Variants in CDC45 observed in about 807,000 individuals in gnomAD.
CDC45 encodes cell division control protein 45 homolog.
Under a neutral mutation model 77.8 loss-of-function variants are expected in CDC45, and 54 were observed. The observed-to-expected ratio is 0.69, with a 90% CI of 0.56 to 0.87. CDC45 has a LOEUF of 0.87. Ranked by LOEUF, CDC45 falls within the 40% of genes least tolerant of loss-of-function variation. The pLI is 0.00. For missense variants in CDC45, 649 were observed against 721.6 expected (o/e 0.90, Z 1.15); for synonymous variants, 260 against 272.1 (o/e 0.96, Z 0.44).
intron 12 of CDC45, among the ~76,000 whole-genome samples, chr22:19,508,149 C>T (rs1004442398): frequency 1.3e-5 from 2 of 152,036 alleles, no homozygotes; most frequent in African/African-American, 4.8e-5. Context: ...CCTGTGAGGT[C>T]GACCCCAGTC....
At chr22:19,498,736 G>A (rs5748242) in intron 8 of CDC45, among the ~76,000 whole-genome samples, 6,038 of 152,308 alleles carry the variant, frequency 0.04, 215 homozygotes, top group South Asian at 0.13. Flanking sequence ...CCATGATACT[G>A]TATCAACTCC....
At chr22:19,517,374 CTG>C (rs1204613165) in intron 17 of CDC45, among the ~76,000 whole-genome samples, 3 of 152,218 alleles carry the variant, frequency 2.0e-5, no homozygotes, top group African/African-American at 7.2e-5. Flanking sequence ...CCGGCCCCAC[CTG>C]TGTGTCAGAT....
chr22:19,507,245 C>T (rs1933243091), intron 10 of CDC45, 141 bp from the exon 11 acceptor site: 5 of 971,048 alleles, frequency 5.1e-6, no homozygotes, highest in Non-Finnish European at 7.7e-6. Context: ...CAAAGGGCTC[C>T]AGGTCACTCT....
At chr22:19,501,084 A>G (rs1025275008) in intron 9 of CDC45, among the ~76,000 whole-genome samples, 2 of 152,150 alleles carry the variant, frequency 1.3e-5, no homozygotes, top group African/African-American at 2.4e-5. Context: ...GGAGGGTGAG[A>G]CAGAGGAATC....
At chr22:19,517,920 A>C (rs1013936428) in intron 17 of CDC45, among the ~76,000 whole-genome samples, 1 of 152,210 alleles carries the variant, frequency 6.6e-6, no homozygotes. Flanking sequence ...CCTCTGAGAA[A>C]GGATATTTTC....
chr22:19,497,430 C>T lies in CDC45; in HGVS notation c.636C>T (p.Asp212=). 8 of 1,614,086 alleles carry T rather than the reference C, an allele frequency of 5.0e-6. No individual in the cohort carries two copies. The highest frequency in any genetic ancestry group is 6.8e-6 in the Non-Finnish European group (8 of 1,179,962). ...AGCTGGCTTGGATGCTGTCCAAGGA[C>T]CTGAATGACATGCTGTGGTACGTAG... ...MFELAWMLSK[D]LNDMLWWAIV... is the part of the protein sequence containing the mutation. The change falls in exon 8 of 19, where the codon GAC becomes GAT. Residue 212 remains aspartate, a synonymous_variant. Coordinates refer to ENST00000263201, the MANE Select transcript of CDC45 (RefSeq NM_003504.5).
chr22:19,488,075 G>A (rs1228735660), intron 5 of CDC45, among the ~76,000 whole-genome samples: 2 of 152,232 alleles, frequency 1.3e-5, no homozygotes, highest in African/African-American at 4.8e-5. Flanking sequence ...ATCTACAGGT[G>A]CTATAATATC....
intron 8 of CDC45, among the ~76,000 whole-genome samples, chr22:19,497,688 C>T (rs1189244404): frequency 6.6e-6 from 1 of 152,176 alleles, no homozygotes; most frequent in Non-Finnish European, 1.5e-5. Context: ...TACAGTACAG[C>T]TTCACCTTCC....
intron 3 of CDC45, among the ~76,000 whole-genome samples, chr22:19,481,674 T>C (rs1423117395): frequency 6.6e-6 from 1 of 151,766 alleles, no homozygotes; most frequent in Non-Finnish European, 1.5e-5. Context: ...CGCCCAGCCT[T>C]TATTTATTTA....
At chr22:19,516,460 C>G in intron 15 of CDC45, 67 bp from the exon 16 acceptor site, 1 of 1,318,356 alleles carries the variant, frequency 7.6e-7, no homozygotes, top group Non-Finnish European at 1.1e-6. Flanking sequence ...CGCTGTTGGG[C>G]TCTGGGCTCT....
intron 8 of CDC45, among the ~76,000 whole-genome samples, chr22:19,498,825 A>G (rs775266799): frequency 3.0e-4 from 46 of 152,156 alleles, no homozygotes; most frequent in Non-Finnish European, 6.0e-4. Flanking sequence ...GGCTCCTATT[A>G]TAGCTGCCAT....
At chr22:19,484,100 G>A (rs2090028297) in intron 5 of CDC45, 95 bp downstream of exon 5, 20 of 1,217,778 alleles carry the variant, frequency 1.6e-5, no homozygotes, top group Non-Finnish European at 2.2e-5. Context: ...TGTACTGAGG[G>A]CAGTGGGAAG....
At chr22:19,479,769 G>A (rs2089941947), upstream of CDC45, 1 of 656,986 alleles carries the variant, frequency 1.5e-6, no homozygotes, top group African/African-American at 1.8e-5. Flanking sequence ...GCGGGCTGGA[G>A]TTTTCTGGCC....
At chr22:19,501,679 G>A (rs1381086605) in intron 9 of CDC45, among the ~76,000 whole-genome samples, 1 of 152,154 alleles carries the variant, frequency 6.6e-6, no homozygotes, top group Non-Finnish European at 1.5e-5. Context: ...AAAACTGAGA[G>A]ACAAAACTAG....
At chr22:19,497,978 G>C (rs569214684) in intron 8 of CDC45, among the ~76,000 whole-genome samples, 1 of 151,658 alleles carries the variant, frequency 6.6e-6, no homozygotes, top group African/African-American at 2.4e-5. Flanking sequence ...GACCAGCCTG[G>C]CCAACATGGT....
In CDC45 at chr22:19,520,369, G is replaced by A. The variant is rs2146458991; in HGVS notation, c.*2-112G>A. ...GTCTGGGGTGGCCTCACCCCCACAA[G>A]CAGTCCTGGCTACTCAGCAGCACTA... On this transcript the variant is annotated intron_variant, in intron 18 of 18. Transcript: ENST00000263201. This position sits in a 1 kb window ranked among gnomAD's most constrained non-coding sequence, Gnocchi z 4.5. 6.6e-6 allele frequency: 1 copy of A among 152,444 alleles called. No individual in the cohort carries two copies. The highest frequency in any genetic ancestry group is 2.4e-5 in the African/African-American group (1 of 41,584). The allele number at this position is 152,444 out of a possible 1,614,324, so 9.4% of individuals were successfully genotyped here.
rs1258266377 is a variant in CDC45 at position 19,494,358 on chromosome 22, A to G, written c.518A>G (p.Gln173Arg). The part of the protein sequence containing the change: ...EIVEQTMRRR[Q>R]RREWEARRRD... ...GTGGAGCAAACCATGCGGAGGAGGC[A>G]GCGGCGAGAGTGGGAGGCCCGGAGG... The change falls in exon 6 of 19, where the codon CAG becomes CGG. Residue 173 changes from glutamine to arginine, a missense_variant. Gln to Arg is a conservative substitution (Grantham distance 43). Coordinates refer to ENST00000263201, the MANE Select transcript of CDC45 (RefSeq NM_003504.5). 6.2e-7 allele frequency: 1 copy of G among 1,613,300 alleles called. No individual in the cohort carries two copies.
intron 16 of CDC45, 61 bp from the exon 17 acceptor site, chr22:19,516,755 CG>C: frequency 4.3e-6 from 6 of 1,391,350 alleles, no homozygotes; most frequent in Non-Finnish European, 5.0e-6. Flanking sequence ...TGTCCTGGGG[CG>C]GGGGGTGGGA....
intron 10 of CDC45, among the ~76,000 whole-genome samples, chr22:19,507,153 A>G (rs1933235340): frequency 6.6e-6 from 1 of 152,148 alleles, no homozygotes; most frequent in Non-Finnish European, 1.5e-5. Context: ...TGTGCTCCAG[A>G]TTCTCTGCCT....
Sources: gnomAD v4.1 joint callset for allele counts (sites outside exome capture counted in the v4.1 genomes callset) on GRCh38, gnomAD v4.1.1 for gene constraint, Gnocchi (gnomAD v3.1) non-coding constraint, MANE v1.5 for transcripts, NCBI Gene and HGNC (gene_info 2026-07-23, HGNC 2026-07-21) for gene names.